PCLO: variants seen among roughly 807,000 people sequenced by gnomAD.
PCLO encodes the protein protein piccolo.
PCLO carries 82 observed loss-of-function variants against 427.5 expected under a neutral mutation model. That is an observed-to-expected ratio of 0.19 (90% CI 0.16 to 0.23). The LOEUF is 0.23. Ranked by LOEUF, PCLO falls within the 10% of genes least tolerant of loss-of-function variation. The probability of loss-of-function intolerance (pLI) is 1.00; values close to 1 mark genes in which losing one functional copy is unlikely to be tolerated. For synonymous variants in PCLO, 2,357 were observed against 2,155.4 expected (o/e 1.09, Z -2.59); for missense variants, 6,239 against 6,115.9 (o/e 1.02, Z -0.67).
chr7:82,794,459 C>CTGGTTTTTTTTTTT (rs1554333552), intron 22 of PCLO, among the ~76,000 whole-genome samples: 1 of 56,350 alleles, frequency 1.8e-5, no homozygotes, highest in Non-Finnish European at 4.1e-5. Context: ...AATTTTTTTT[C>CTGGTTTTTTTTTTT]TTTTTTTTTT....
At chr7:82,938,253 T>A (rs894935098) in intron 6 of PCLO, among the ~76,000 whole-genome samples, 1 of 151,964 alleles carries the variant, frequency 6.6e-6, no homozygotes, top group Non-Finnish European at 1.5e-5. Context: ...ATTTATTAAC[T>A]ACAAGGGTAT....
At chr7:82,844,951 T>C (rs1339505407) in intron 13 of PCLO, among the ~76,000 whole-genome samples, 1 of 152,108 alleles carries the variant, frequency 6.6e-6, no homozygotes, top group Non-Finnish European at 1.5e-5. Flanking sequence ...TCCAAAAAGA[T>C]GCAAAGCTAA....
At chr7:83,041,526 T>C (rs1211334770) in intron 3 of PCLO, among the ~76,000 whole-genome samples, 2 of 152,174 alleles carry the variant, frequency 1.3e-5, no homozygotes, top group African/African-American at 4.8e-5. Flanking sequence ...CATAACCAAA[T>C]TATATATCAT....
chr7:82,938,976 A>T (rs1795018045), intron 6 of PCLO, among the ~76,000 whole-genome samples: 1 of 152,084 alleles, frequency 6.6e-6, no homozygotes, highest in Admixed American at 6.6e-5. Context: ...AATGTAAATT[A>T]AAAATAGTAA....
At position 82,956,882 on chromosome 7, in the gene PCLO, G is replaced by A; in HGVS notation, c.4071C>T (p.Pro1357=). The part of the protein sequence containing the change: ...DTSSSQQPKS[P]QGLSDTGYSS... ...AATATCCCGTGTCGCTCAGACCTTG[G>A]GGGCTTTTAGGCTGCTGAGAACTTG... The change falls in exon 5 of 25, where the codon CCC becomes CCT. Residue 1357 remains proline, a synonymous_variant. Transcript: ENST00000333891. 1 of 1,613,408 alleles carries A rather than the reference G, an allele frequency of 6.2e-7. No individual in the cohort carries two copies. The highest frequency in any genetic ancestry group is 8.5e-7 in the Non-Finnish European group (1 of 1,179,706).
chr7:83,094,656 T>C (rs1444039553), intron 3 of PCLO, among the ~76,000 whole-genome samples: 1 of 152,202 alleles, frequency 6.6e-6, no homozygotes. Context: ...CTGGCTTATT[T>C]CCAGTTTGGG....
intron 8 of PCLO, among the ~76,000 whole-genome samples, chr7:82,905,046 C>T (rs1668145827): frequency 6.6e-6 from 1 of 152,026 alleles, no homozygotes; most frequent in South Asian, 2.1e-4. Context: ...AGTCCTGTAG[C>T]AGATGGGGTT....
intron 7 of PCLO, among the ~76,000 whole-genome samples, chr7:82,909,525 T>C (rs1794272390): frequency 6.6e-6 from 1 of 152,030 alleles, no homozygotes; most frequent in South Asian, 2.1e-4. Context: ...TCCCAGAACT[T>C]AAAGTATAAT....
chr7:82,954,683 A>G lies in PCLO; in HGVS notation c.6270T>C (p.Asp2090=). Reference sequence around the variant, plus strand: ...CAAAGTCCATGGTGGACTCTGTCATATCCTCACCAATGGGGGCCTGGGTTG... The same window carrying G: ...CAAAGTCCATGGTGGACTCTGTCATGTCCTCACCAATGGGGGCCTGGGTTG... ...SSPTQAPIGE[D]MTESTMDFDR... The change falls in exon 5 of 25, where the codon GAT becomes GAC. Residue 2090 remains aspartate, a synonymous_variant. Transcript: ENST00000333891. 2 of 1,613,928 alleles carry G rather than the reference A, an allele frequency of 1.2e-6. No individual in the cohort carries two copies. The highest frequency in any genetic ancestry group is 1.7e-6 in the Non-Finnish European group (2 of 1,179,846).
intron 10 of PCLO, among the ~76,000 whole-genome samples, chr7:82,859,829 C>G (rs1261169113): frequency 1.3e-5 from 2 of 151,900 alleles, no homozygotes; most frequent in South Asian, 2.1e-4. Flanking sequence ...CTCAAGAACA[C>G]AGAGAAGGAA....
intron 9 of PCLO, among the ~76,000 whole-genome samples, chr7:82,892,967 C>A (rs1488725085): frequency 6.6e-6 from 1 of 152,180 alleles, no homozygotes; most frequent in East Asian, 1.9e-4. Context: ...CACTTTTACA[C>A]TGTTGGTGGG....
chr7:82,758,433 C>T lies in PCLO; in HGVS notation c.*142G>A. 1 of 578,534 alleles carries T rather than the reference C, an allele frequency of 1.7e-6. No homozygotes were observed. Among genetic ancestry groups the T allele is most frequent in the South Asian group, 3.2e-5 (1 of 30,880 alleles). 35.8% of individuals were successfully genotyped at this position (578,534 alleles called of 1,614,324 possible). A position where few individuals can be genotyped will look rare whatever the true frequency, so the allele number is the denominator to read the frequency against. On this transcript the variant is annotated 3_prime_UTR_variant, in exon 25 of 25. Transcript: ENST00000333891. ...TGTGTGATCCACAACAATAAATGTA[C>T]AAGGTCTTAAGTATGTTTTTGCTTG...
At chr7:82,921,615 A>T (rs1794597146) in intron 6 of PCLO, among the ~76,000 whole-genome samples, 1 of 152,074 alleles carries the variant, frequency 6.6e-6, no homozygotes, top group African/African-American at 2.4e-5. Flanking sequence ...TGAAAACTTA[A>T]ATATAAAACC....
chr7:83,003,910 A>G (rs945572721), intron 3 of PCLO, among the ~76,000 whole-genome samples: 1 of 151,306 alleles, frequency 6.6e-6, no homozygotes. Context: ...AGAGTTTGAG[A>G]AGGATTTGTA....
At chr7:83,145,471 T>C (rs1467972615) in intron 2 of PCLO, among the ~76,000 whole-genome samples, 1 of 152,156 alleles carries the variant, frequency 6.6e-6, no homozygotes, top group African/African-American at 2.4e-5. Context: ...AATCAAGTAA[T>C]CCAATTAAGG....
At chr7:82,840,566 G>A (rs911405664) in intron 14 of PCLO, among the ~76,000 whole-genome samples, 2 of 152,030 alleles carry the variant, frequency 1.3e-5, no homozygotes, top group South Asian at 2.1e-4. Flanking sequence ...CCTACTTCTC[G>A]AAGCTGATTC....
chr7:82,911,495 T>C (rs1251509578), intron 7 of PCLO, among the ~76,000 whole-genome samples: 1 of 152,078 alleles, frequency 6.6e-6, no homozygotes, highest in African/African-American at 2.4e-5. Flanking sequence ...AAAATACAAA[T>C]AAGTTATTTC....
intron 3 of PCLO, among the ~76,000 whole-genome samples, chr7:83,051,853 G>A (rs1789262410): frequency 1.3e-5 from 2 of 152,122 alleles, no homozygotes; most frequent in African/African-American, 2.4e-5. Flanking sequence ...CAAGAAAGAC[G>A]ACTCATAGAT....
chr7:83,006,075 T>C (rs1025032828), intron 3 of PCLO, among the ~76,000 whole-genome samples: 1 of 151,648 alleles, frequency 6.6e-6, no homozygotes, highest in African/African-American at 2.4e-5. Flanking sequence ...ATTTTATGGC[T>C]TTCAGTTAAT....
Sources: gnomAD v4.1 joint callset for allele counts (sites outside exome capture counted in the v4.1 genomes callset) on GRCh38, gnomAD v4.1.1 for gene constraint, MANE v1.5 for transcripts, NCBI Gene and HGNC (gene_info 2026-07-23, HGNC 2026-07-21) for gene names.